The following PBX3 variants were observed in gnomAD, a reference collection of about 807,000 sequenced individuals.
PBX3 encodes the protein PBX homeobox 3.
PBX3 carries 14 observed loss-of-function variants against 48.5 expected under a neutral mutation model. The ratio of observed to expected loss-of-function variants is 0.29; its 90% CI spans 0.19 to 0.45. The LOEUF (loss-of-function observed/expected upper bound fraction) is 0.45, where lower values mean the gene tolerates loss of function less well. Among genes scored for constraint, PBX3 ranks in the 20% least tolerant of loss-of-function variants. The probability of loss-of-function intolerance (pLI) is 1.00; values close to 1 mark genes in which losing one functional copy is unlikely to be tolerated. For missense variants in PBX3, 386 were observed against 546.7 expected (o/e 0.71, Z 2.93); for synonymous variants, 210 against 200.3 (o/e 1.05, Z -0.41).
chr9:125,838,848 G>C (rs1223888605), intron 2 of PBX3, among the ~76,000 whole-genome samples: 1 of 152,200 alleles, frequency 6.6e-6, no homozygotes, highest in African/African-American at 2.4e-5. Context: ...TTTATAAAAT[G>C]AAAATAATAA....
chr9:125,897,187 G>T (rs902732804), intron 2 of PBX3, among the ~76,000 whole-genome samples: 2 of 111,214 alleles, frequency 1.8e-5, no homozygotes, highest in Non-Finnish European at 1.8e-5. Flanking sequence ...ACATTCATTC[G>T]CATTAGAATT....
chr9:125,871,865 G>T (rs1372304384), intron 2 of PBX3, among the ~76,000 whole-genome samples: 2 of 152,132 alleles, frequency 1.3e-5, no homozygotes, highest in African/African-American at 4.8e-5. Context: ...ATTGAGATAG[G>T]GCACAAAGGT....
intron 2 of PBX3, among the ~76,000 whole-genome samples, chr9:125,830,970 A>G (rs1042975298): frequency 2.0e-5 from 3 of 152,122 alleles, no homozygotes; most frequent in Non-Finnish European, 2.9e-5. Flanking sequence ...TTAACCACTA[A>G]TATGTTATAC....
intron 5 of PBX3, among the ~76,000 whole-genome samples, chr9:125,939,598 C>G (rs946173319): frequency 2.0e-5 from 3 of 152,106 alleles, no homozygotes; most frequent in African/African-American, 7.2e-5. Flanking sequence ...GACCTCTTGT[C>G]TGTATTTCAG....
At chr9:125,908,100 G>A (rs1016961163) in intron 2 of PBX3, among the ~76,000 whole-genome samples, 2 of 152,116 alleles carry the variant, frequency 1.3e-5, no homozygotes, top group Non-Finnish European at 2.9e-5. Flanking sequence ...ATTAACAAAT[G>A]TAAGGTAAGA....
intron 2 of PBX3, among the ~76,000 whole-genome samples, chr9:125,766,013 C>T (rs969929998): frequency 2.0e-5 from 3 of 152,060 alleles, no homozygotes; most frequent in African/African-American, 7.2e-5. Context: ...CTGATAGTGG[C>T]ATCTTACAAA....
At chr9:125,852,143 A>G (rs1588219412) in intron 2 of PBX3, among the ~76,000 whole-genome samples, 1 of 152,122 alleles carries the variant, frequency 6.6e-6, no homozygotes. Context: ...TCAGGATGGT[A>G]TTTGGAGGGC....
Position 125,935,505 on chromosome 9 carries a change from A to G in PBX3, c.741A>G (p.Thr247=), listed in dbSNP as rs1440841845. The G allele has an allele frequency of 6.2e-7, 1 of 1,613,748 alleles. No homozygotes were observed. The highest frequency in any genetic ancestry group is 8.5e-7 in the Non-Finnish European group (1 of 1,179,718). ...RKRRNFSKQA[T]EILNEYFYSH... Reference sequence around the variant, plus strand: ...GGCGTAACTTCAGTAAACAGGCCACAGAAATCTTGAATGAATATTTTTACT... The same window carrying G: ...GGCGTAACTTCAGTAAACAGGCCACGGAAATCTTGAATGAATATTTTTACT... The change falls in exon 5 of 9, where the codon ACA becomes ACG. Residue 247 remains threonine, a synonymous_variant. Coordinates refer to ENST00000373489, the MANE Select transcript of PBX3 (RefSeq NM_006195.6).
At chr9:125,841,638 G>A (rs1839292651) in intron 2 of PBX3, among the ~76,000 whole-genome samples, 1 of 152,190 alleles carries the variant, frequency 6.6e-6, no homozygotes, top group Non-Finnish European at 1.5e-5. Context: ...CTCTGCTGGT[G>A]TATGACTTGT....
At position 125,934,698 on chromosome 9, in the gene PBX3, C is replaced by G. The variant is rs138065221; in HGVS notation, c.708-774C>G. Among the ~76,000 whole-genome samples the G allele has an allele frequency of 2.4e-4, 37 of 151,846 alleles. 1 individual carries two copies. In the East Asian group the frequency reaches 3.9e-3, roughly 16 times the overall value. The stretch of plus-strand genomic sequence containing the variant: ...AAAAACCTAGAAATCCTTCCCAATG[C>G]ATTTTTTTTTTCCTAAACTTCCTTC... On this transcript the variant is annotated intron_variant, in intron 4 of 8. Coordinates refer to ENST00000373489, the MANE Select transcript of PBX3 (RefSeq NM_006195.6).
chr9:125,817,780 C>T (rs188796059), intron 2 of PBX3, among the ~76,000 whole-genome samples: 5 of 151,910 alleles, frequency 3.3e-5, no homozygotes, highest in African/African-American at 1.2e-4. Context: ...GCTCTAGTAC[C>T]CACTTACCTC....
chr9:125,937,753 C>T (rs1841871095), intron 5 of PBX3, among the ~76,000 whole-genome samples: 1 of 152,140 alleles, frequency 6.6e-6, no homozygotes, highest in African/African-American at 2.4e-5. Context: ...ACTTTGAACT[C>T]CTGGGCTCAA....
chr9:125,776,847 A>G (rs1837085269), intron 2 of PBX3, among the ~76,000 whole-genome samples: 1 of 152,060 alleles, frequency 6.6e-6, no homozygotes, highest in Non-Finnish European at 1.5e-5. Flanking sequence ...CCTGGTCTGC[A>G]TGATATTAAT....
At chr9:125,850,701 A>G (rs1839554296) in intron 2 of PBX3, among the ~76,000 whole-genome samples, 2 of 152,098 alleles carry the variant, frequency 1.3e-5, no homozygotes, top group Admixed American at 1.3e-4. Context: ...TGTTTTATGC[A>G]GAAGTCTAAA....
chr9:125,936,669 C>T (rs1841843059), intron 5 of PBX3, among the ~76,000 whole-genome samples: 1 of 152,060 alleles, frequency 6.6e-6, no homozygotes, highest in Non-Finnish European at 1.5e-5. Flanking sequence ...CCTCTTTTGG[C>T]ATTATTTTCT....
At chr9:125,881,153 G>A (rs964661196) in intron 2 of PBX3, among the ~76,000 whole-genome samples, 1 of 152,184 alleles carries the variant, frequency 6.6e-6, no homozygotes, top group African/African-American at 2.4e-5. Flanking sequence ...TTATGGCTGT[G>A]CTTTGAAATT....
At chr9:125,752,077 C>T (rs1179648587) in intron 2 of PBX3, among the ~76,000 whole-genome samples, 2 of 152,150 alleles carry the variant, frequency 1.3e-5, no homozygotes, top group Admixed American at 6.5e-5. Context: ...AAAATAAACA[C>T]AACCTTTTCC....
intron 2 of PBX3, among the ~76,000 whole-genome samples, chr9:125,815,343 A>G (rs1838427933): frequency 6.6e-6 from 1 of 152,144 alleles, no homozygotes; most frequent in Non-Finnish European, 1.5e-5. Context: ...TTTTCTTGCT[A>G]GTTACCCACC....
chr9:125,933,285 G>A (rs1439693010), intron 4 of PBX3, among the ~76,000 whole-genome samples: 2 of 152,204 alleles, frequency 1.3e-5, no homozygotes, highest in Non-Finnish European at 2.9e-5. Context: ...TGGACAAGAC[G>A]AAGCATGCAC....
Sources: gnomAD v4.1 joint callset for allele counts (sites outside exome capture counted in the v4.1 genomes callset) on GRCh38, gnomAD v4.1.1 for gene constraint, MANE v1.5 for transcripts, NCBI Gene and HGNC (gene_info 2026-07-23, HGNC 2026-07-21) for gene names.